The following LGALS14 variants were observed in gnomAD, a reference collection of about 807,000 sequenced individuals.
LGALS14 encodes placental protein 13-like.
LGALS14 carries 14 observed loss-of-function variants against 14.6 expected under a neutral mutation model. That is an observed-to-expected ratio of 0.96 (90% CI 0.64 to 1.50). The LOEUF is 1.50. Ranked by LOEUF, LGALS14 falls within the 40% of genes most tolerant of loss-of-function variation. LGALS14 has a pLI of 0.00. For missense variants in LGALS14, 180 were observed against 172.0 expected, an observed-to-expected ratio of 1.05 and a Z score of -0.26; for synonymous variants, 57 against 63.9, an observed-to-expected ratio of 0.89 and a Z score of 0.51.
intron 3 of LGALS14, among the ~76,000 whole-genome samples, chr19:39,707,595 C>T (rs1451791940): frequency 6.6e-6 from 1 of 152,162 alleles, no homozygotes; most frequent in African/African-American, 2.4e-5. Flanking sequence ...GGCTCACCTG[C>T]CATTTCCTCC....
intron 1 of LGALS14, among the ~76,000 whole-genome samples, chr19:39,706,221 G>A (rs1973713192): frequency 6.6e-6 from 1 of 152,114 alleles, no homozygotes; most frequent in East Asian, 1.9e-4. Flanking sequence ...ATACATGCCA[G>A]GGATTAGGGT....
Position 39,704,538 on chromosome 19 carries a change from C to T in LGALS14, c.10C>T (p.Leu4=), listed in dbSNP as rs1973688101. 6.2e-7 allele frequency: 1 copy of T among 1,613,696 alleles called. No individual in the cohort carries two copies. The highest frequency in any genetic ancestry group is 1.1e-5 in the South Asian group (1 of 91,058). The change falls in exon 1 of 4, where the codon CTA becomes TTA. Residue 4 remains leucine (L), a synonymous_variant. Transcript: ENST00000392052. MSS[L]PVPYTLPVSL... is the part of the protein sequence containing the mutation. ...CCAGAAGGAGAGAACAATGTCATCA[C>T]TACCCGTGAGTTGAAAAGTCACAGC...
At chr19:39,706,313 G>A (rs533382174) in intron 1 of LGALS14, among the ~76,000 whole-genome samples, 27 of 152,228 alleles carry the variant, frequency 1.8e-4, no homozygotes, top group African/African-American at 6.0e-4. Flanking sequence ...CTTGTCCTGG[G>A]GAAACTGAGG....
At chr19:39,706,455 G>T in intron 1 of LGALS14, 142 bp from the exon 2 acceptor site, 1 of 661,782 alleles carries the variant, frequency 1.5e-6, no homozygotes, top group East Asian at 2.5e-5. Context: ...AGGAATATGG[G>T]GCCCTGACTG....
chr19:39,705,119 T>C (rs938704984), intron 1 of LGALS14, among the ~76,000 whole-genome samples: 6 of 152,166 alleles, frequency 3.9e-5, no homozygotes, highest in Non-Finnish European at 5.9e-5. Context: ...TTTTCATGTG[T>C]GGCAATGTGG....
intron 1 of LGALS14, chr19:39,705,808 G>A: frequency 2.1e-6 from 3 of 1,430,586 alleles, no homozygotes; most frequent in Non-Finnish European, 2.9e-6. Flanking sequence ...TTGCACCACT[G>A]CATATCAGCC....
intron 3 of LGALS14, among the ~76,000 whole-genome samples, chr19:39,707,849 A>G (rs895609924): frequency 4.6e-5 from 7 of 152,052 alleles, no homozygotes; most frequent in Admixed American, 1.3e-4. Flanking sequence ...TCACTTTGTC[A>G]TCCAGGTTGG....
At position 39,709,373 on chromosome 19, in the gene LGALS14, C is replaced by G; in HGVS notation, c.*60C>G. On this transcript the variant is annotated 3_prime_UTR_variant, in exon 4 of 4. Coordinates refer to ENST00000392052, the MANE Select transcript of LGALS14 (RefSeq NM_020129.3). ...CCTCTTTCTACCTGACCATGGGATT[C>G]CCAGAGCCTACTAACAGAATAATCC... 1 of 958,788 alleles carries G rather than the reference C, an allele frequency of 1.0e-6. No individual in the cohort carries two copies. Among genetic ancestry groups the G allele is most frequent in the South Asian group, 1.3e-5 (1 of 76,612 alleles). The allele number at this position is 958,788 out of a possible 1,614,324, so 59.4% of individuals were successfully genotyped here.
At chr19:39,707,991 G>A (rs1302605471) in intron 3 of LGALS14, among the ~76,000 whole-genome samples, 3 of 152,064 alleles carry the variant, frequency 2.0e-5, no homozygotes, top group African/African-American at 7.2e-5. Context: ...TGTATTTTTA[G>A]TAGAAGAAGA....
At chr19:39,706,035 G>T (rs758863537) in intron 1 of LGALS14, 1 of 1,611,606 alleles carries the variant, frequency 6.2e-7, no homozygotes, top group Non-Finnish European at 8.5e-7. Context: ...ACACACAGGG[G>T]TTTCCTGTTC....
intron 1 of LGALS14, chr19:39,706,041 T>C: frequency 6.2e-7 from 1 of 1,610,114 alleles, no homozygotes; most frequent in Non-Finnish European, 8.5e-7. Context: ...AGGGGTTTCC[T>C]GTTCTTTCGT....
intron 1 of LGALS14, chr19:39,705,746 G>A: frequency 1.4e-6 from 1 of 703,918 alleles, no homozygotes; most frequent in Non-Finnish European, 2.3e-6. Flanking sequence ...AGAGGGGGCA[G>A]ATGTGTGAGG....
intron 1 of LGALS14, chr19:39,705,974 T>C (rs1398947343): frequency 1.2e-6 from 2 of 1,613,954 alleles, no homozygotes; most frequent in Non-Finnish European, 1.7e-6. Flanking sequence ...TGTGTGCCGC[T>C]TCTGGGAAGG....
At chr19:39,704,854 G>A (rs530834939) in intron 1 of LGALS14, among the ~76,000 whole-genome samples, 6 of 152,288 alleles carry the variant, frequency 3.9e-5, no homozygotes, top group African/African-American at 7.2e-5. Flanking sequence ...GTGAGTGAGT[G>A]TAAGGGGGTG....
At chr19:39,705,210 A>G (rs753526686) in intron 1 of LGALS14, among the ~76,000 whole-genome samples, 3 of 152,156 alleles carry the variant, frequency 2.0e-5, no homozygotes, top group Non-Finnish European at 2.9e-5. Flanking sequence ...TGAGAGCGAA[A>G]TATATCATCA....
chr19:39,709,003 A>G (rs1305004822), intron 3 of LGALS14, among the ~76,000 whole-genome samples, 194 bp from the exon 4 acceptor site: 1 of 152,204 alleles, frequency 6.6e-6, no homozygotes, highest in Non-Finnish European at 1.5e-5. Context: ...AGAAAACATT[A>G]GAAATAAAAT....
Position 39,707,501 on chromosome 19 carries a change from C to G in LGALS14, c.303+113C>G, listed in dbSNP as rs190173401. On this transcript the variant is annotated intron_variant, in intron 3 of 3. Transcript: ENST00000392052. ...TTGGGGCCCATCTTCCATAACTATT[C>G]CTGTTTCAGGTTTTCATCACAGAGC... is the stretch of plus-strand genomic sequence containing the variant. 2.4e-4 allele frequency: 205 copies of G among 839,472 alleles called. 1 individual carries two copies. Among genetic ancestry groups the G allele is most frequent in the African/African-American group, 1.9e-3 (114 of 60,086 alleles). 52.0% of individuals were successfully genotyped at this position (839,472 alleles called of 1,614,324 possible).
At chr19:39,706,402 G>A (rs1318956583) in intron 1 of LGALS14, among the ~76,000 whole-genome samples, 195 bp from the exon 2 acceptor site, 1 of 152,104 alleles carries the variant, frequency 6.6e-6, no homozygotes, top group Non-Finnish European at 1.5e-5. Context: ...AGGCATCCGG[G>A]CTCTTGAACA....
chr19:39,708,272 C>G (rs1280864982), intron 3 of LGALS14, among the ~76,000 whole-genome samples: 2 of 152,050 alleles, frequency 1.3e-5, no homozygotes, highest in African/African-American at 2.4e-5. Context: ...TCCACGGTGC[C>G]GCTTCAGTTT....
Sources: allele counts gnomAD v4.1 joint callset (sites outside exome capture counted in the v4.1 genomes callset), GRCh38; gene constraint gnomAD v4.1.1; transcripts MANE v1.5; gene names NCBI Gene and HGNC (gene_info 2026-07-23, HGNC 2026-07-21).